The following PSD3 variants were observed in gnomAD, a reference collection of about 807,000 sequenced individuals.
PSD3 encodes the protein pleckstrin and Sec7 domain containing 3.
A neutral mutation model predicts 105.5 loss-of-function variants in PSD3; 49 were observed. The ratio of observed to expected loss-of-function variants is 0.46; its 90% confidence interval spans 0.37 to 0.59. The LOEUF (loss-of-function observed/expected upper bound fraction) is 0.59, where lower values mean the gene tolerates loss of function less well. PSD3 is among the 20% of genes least tolerant of loss of function. PSD3 has a pLI of 0.00. For missense variants in PSD3, 1,561 were observed against 1,263.8 expected, an observed-to-expected ratio of 1.24 and a Z score of -3.57; for synonymous variants, 557 against 457.8, an observed-to-expected ratio of 1.22 and a Z score of -2.77.
chr8:18,908,819 T>C (rs1238764271), intron 2 of PSD3, among the ~76,000 whole-genome samples: 1 of 152,232 alleles, frequency 6.6e-6, no homozygotes, highest in Non-Finnish European at 1.5e-5. Flanking sequence ...TCCATAATTA[T>C]GTGCAGAAAT....
intron 11 of PSD3, among the ~76,000 whole-genome samples, chr8:18,613,299 T>C (rs915557684): frequency 6.6e-6 from 1 of 151,902 alleles, no homozygotes; most frequent in Non-Finnish European, 1.5e-5. Context: ...CATCTGCACA[T>C]TGGGAGGAGG....
chr8:18,921,666 G>A (rs1821030096), intron 2 of PSD3, among the ~76,000 whole-genome samples: 1 of 152,200 alleles, frequency 6.6e-6, no homozygotes, highest in Admixed American at 6.5e-5. Context: ...ATCCATCTCT[G>A]GATGCTACTT....
intron 2 of PSD3, among the ~76,000 whole-genome samples, chr8:18,877,262 C>T (rs1331640405): frequency 1.3e-5 from 2 of 152,204 alleles, no homozygotes; most frequent in Non-Finnish European, 2.9e-5. Context: ...ACAAAGATTA[C>T]TTTTACGTTG....
At chr8:18,924,044 A>C (rs892709029) in intron 2 of PSD3, among the ~76,000 whole-genome samples, 1 of 152,162 alleles carries the variant, frequency 6.6e-6, no homozygotes, top group Non-Finnish European at 1.5e-5. Flanking sequence ...CTTCTTAGTT[A>C]TCTTAGTATA....
intron 1 of PSD3, among the ~76,000 whole-genome samples, chr8:18,991,981 C>A (rs1203996312): frequency 1.3e-5 from 2 of 152,168 alleles, no homozygotes; most frequent in Non-Finnish European, 2.9e-5. Flanking sequence ...GAAACTGAGG[C>A]TCAGAAAAAC....
chr8:18,641,296 T>G (rs1365037727), intron 10 of PSD3, among the ~76,000 whole-genome samples: 3 of 152,150 alleles, frequency 2.0e-5, no homozygotes, highest in Non-Finnish European at 4.4e-5. Flanking sequence ...CTGGTATCCC[T>G]GGGCATCAGG....
chr8:18,910,630 A>G (rs1248981939), intron 2 of PSD3, among the ~76,000 whole-genome samples: 3 of 103,510 alleles, frequency 2.9e-5, no homozygotes, highest in Non-Finnish European at 5.5e-5. Context: ...TAAAACTTAG[A>G]GTATAATAAA....
intron 4 of PSD3, among the ~76,000 whole-genome samples, chr8:18,832,241 G>C (rs1360810243): frequency 1.3e-5 from 2 of 152,090 alleles, no homozygotes; most frequent in Non-Finnish European, 2.9e-5. Flanking sequence ...GGAAATTAAA[G>C]GATAAAAGTA....
At chr8:18,897,156 T>C (rs1373377783) in intron 2 of PSD3, among the ~76,000 whole-genome samples, 1 of 152,180 alleles carries the variant, frequency 6.6e-6, no homozygotes, top group Non-Finnish European at 1.5e-5. Context: ...TGATATAATA[T>C]CTCATTATGG....
intron 2 of PSD3, among the ~76,000 whole-genome samples, chr8:18,913,085 AAAC>A (rs1820349398): frequency 1.1e-4 from 13 of 120,048 alleles, no homozygotes; most frequent in African/African-American, 2.3e-4. Context: ...ACACACACAC[AAAC>A]ACACACACAC....
At chr8:18,781,893 A>T (rs73595723) in intron 8 of PSD3, among the ~76,000 whole-genome samples, 1,674 of 152,056 alleles carry the variant, frequency 0.011, 32 homozygotes, top group African/African-American at 0.038. Flanking sequence ...TATTTTTTTT[A>T]AAAATGTTAT....
At chr8:18,914,986 C>G (rs1016899759) in intron 2 of PSD3, among the ~76,000 whole-genome samples, 1 of 152,070 alleles carries the variant, frequency 6.6e-6, no homozygotes, top group African/African-American at 2.4e-5. Context: ...CAGCATGGTA[C>G]TAGCATAAAA....
intron 8 of PSD3, among the ~76,000 whole-genome samples, chr8:18,771,393 TCTTA>T (rs904262648): frequency 1.3e-5 from 2 of 152,194 alleles, no homozygotes; most frequent in Non-Finnish European, 1.5e-5. Flanking sequence ...TGTTTTATTT[TCTTA>T]CTTGTGTATT....
rs77639933 is a variant in PSD3, at chr8:18,975,785, C to G, written c.21+37778G>C. 5.7e-4 allele frequency among the ~76,000 whole-genome samples: 87 copies of G among 152,000 alleles called. 2 individuals carry two copies. In the East Asian group the frequency reaches 8.1e-3, roughly 14 times the overall value. On this transcript the variant is annotated intron_variant, in intron 1 of 15. Transcript: ENST00000327040. ...TTCACAAAGGAAGAAATACTAACTG[C>G]AAATAAACATATGGAAAATGTCTCA...
chr8:18,891,733 T>C (rs1459968435), intron 2 of PSD3, among the ~76,000 whole-genome samples: 3 of 152,320 alleles, frequency 2.0e-5, no homozygotes, highest in East Asian at 3.9e-4. Context: ...ACATTATCTA[T>C]AGTTATTTCA....
chr8:18,850,693 C>G (rs1214760689), intron 4 of PSD3, among the ~76,000 whole-genome samples: 4 of 152,120 alleles, frequency 2.6e-5, no homozygotes, highest in African/African-American at 4.8e-5. Flanking sequence ...CACTATCTCT[C>G]CTCCCCATGC....
chr8:19,019,959 G>T (rs1827310282), intron 1 of PSD3, among the ~76,000 whole-genome samples: 2 of 152,154 alleles, frequency 1.3e-5, no homozygotes, highest in African/African-American at 2.4e-5. Flanking sequence ...CCAGAGGGTG[G>T]TCCGGGGCAT....
intron 4 of PSD3, among the ~76,000 whole-genome samples, chr8:18,833,414 A>C (rs930891594): frequency 6.6e-6 from 1 of 152,236 alleles, no homozygotes; most frequent in African/African-American, 2.4e-5. Context: ...CCAATAGGCC[A>C]GTACCATTTA....
At chr8:18,807,069 C>G (rs1289449124) in intron 4 of PSD3, among the ~76,000 whole-genome samples, 1 of 152,148 alleles carries the variant, frequency 6.6e-6, no homozygotes, top group Non-Finnish European at 1.5e-5. Flanking sequence ...TTTTAAAAAT[C>G]TGAACCTAAA....
Sources: gnomAD v4.1 joint callset for allele counts (sites outside exome capture counted in the v4.1 genomes callset) on GRCh38, gnomAD v4.1.1 for gene constraint, MANE v1.5 for transcripts, NCBI Gene and HGNC (gene_info 2026-07-23, HGNC 2026-07-21) for gene names.